Variants in SEC24B observed in about 807,000 individuals in gnomAD.
SEC24B encodes SEC24 homolog B, COPII component.
SEC24B carries 45 observed loss-of-function variants against 142.8 expected under a neutral mutation model. That is an observed-to-expected ratio of 0.32 (90% CI 0.25 to 0.40). The LOEUF (loss-of-function observed/expected upper bound fraction) is 0.40, where lower values mean the gene tolerates loss of function less well. SEC24B is among the 10% of genes least tolerant of loss of function. The probability of loss-of-function intolerance (pLI) is 1.00; values close to 1 mark genes in which losing one functional copy is unlikely to be tolerated. For synonymous variants in SEC24B, 574 were observed against 568.2 expected (o/e 1.01, Z -0.15); for missense variants, 1,409 against 1,526.8 (o/e 0.92, Z 1.29).
chr4:109,530,435 CCTCT>C lies in SEC24B; in HGVS notation c.3226_3229del (p.Leu1076MetfsTer29). On this transcript the variant is annotated frameshift_variant, in exon 19 of 24. Transcript: ENST00000265175. LOFTEE classifies it high-confidence loss of function. The stretch of plus-strand genomic sequence containing the variant: ...GGCGCCCAGCTCCCTCAAGTTGTTT[CCTCT>C]CTATGTTTTGGCCCTTCTCAAACAG... The C allele has an allele frequency of 6.2e-7, 1 of 1,613,978 alleles. No homozygotes were observed. The highest frequency in any genetic ancestry group is 8.5e-7 in the Non-Finnish European group (1 of 1,179,940).
At chr4:109,442,589 AATCTGACTTTG>A (rs952286309) in intron 1 of SEC24B, among the ~76,000 whole-genome samples, 2 of 152,272 alleles carry the variant, frequency 1.3e-5, no homozygotes, top group Non-Finnish European at 2.9e-5. Context: ...TGGAAACTGA[AATCTGACTTTG>A]ATCTGACTGA....
intron 1 of SEC24B, among the ~76,000 whole-genome samples, chr4:109,440,650 A>AG (rs1728853382): frequency 6.6e-6 from 1 of 152,218 alleles, no homozygotes; most frequent in Non-Finnish European, 1.5e-5. Flanking sequence ...ATAAGGTACT[A>AG]TTTTTAAAGT....
intron 3 of SEC24B, among the ~76,000 whole-genome samples, chr4:109,477,127 A>C: frequency 7.8e-6 from 1 of 128,868 alleles, no homozygotes; most frequent in Admixed American, 8.5e-5. Context: ...ACAGAGCGAG[A>C]CTCCGTCTCA....
chr4:109,486,021 A>G (rs1305498597), intron 4 of SEC24B, among the ~76,000 whole-genome samples: 1 of 152,222 alleles, frequency 6.6e-6, no homozygotes, highest in African/African-American at 2.4e-5. Flanking sequence ...TGGAAAATCT[A>G]TCAGGAGGTA....
At chr4:109,517,143 G>A (rs1294836234) in intron 11 of SEC24B, among the ~76,000 whole-genome samples, 1 of 152,114 alleles carries the variant, frequency 6.6e-6, no homozygotes, top group Non-Finnish European at 1.5e-5. Context: ...AATAAAATCA[G>A]TGTGTGGAAG....
intron 18 of SEC24B, 34 bp from the exon 19 acceptor site, chr4:109,530,255 G>A: frequency 6.3e-7 from 1 of 1,579,546 alleles, no homozygotes; most frequent in South Asian, 1.2e-5. Context: ...GGATTCTAAT[G>A]GTTAAAATAC....
chr4:109,525,150 T>TA (rs1724079639), intron 15 of SEC24B, among the ~76,000 whole-genome samples, 196 bp from the exon 16 acceptor site: 1 of 152,114 alleles, frequency 6.6e-6, no homozygotes, highest in East Asian at 1.9e-4. Context: ...ATGATTCCCT[T>TA]ACCATTCTGC....
chr4:109,527,780 CAA>C (rs34929126), intron 18 of SEC24B, among the ~76,000 whole-genome samples: 1 of 136,978 alleles, frequency 7.3e-6, no homozygotes. Flanking sequence ...GACTCTGTCT[CAA>C]AAAAAAAAAG....
In SEC24B at chr4:109,508,523, T is replaced by C. The variant is rs543524472; in HGVS notation, c.1674-1486T>C. 1.7e-3 allele frequency among the ~76,000 whole-genome samples: 254 copies of C among 152,090 alleles called. 8 individuals are homozygous for C. In the South Asian group the frequency reaches 0.052, roughly 31 times the overall value. ...TGGAAGTTGTGGCGATCCAAGATCA[T>C]AACACTGTACTCCAGCCTGGGTGAC... On this transcript the variant is annotated intron_variant, in intron 7 of 23. Transcript: ENST00000265175.
At chr4:109,462,586 G>A (rs896653226) in intron 1 of SEC24B, among the ~76,000 whole-genome samples, 1 of 152,128 alleles carries the variant, frequency 6.6e-6, no homozygotes, top group Non-Finnish European at 1.5e-5. Context: ...GGGTATCTGA[G>A]AGAAAGAGAG....
intron 1 of SEC24B, among the ~76,000 whole-genome samples, chr4:109,455,534 C>T (rs1438107309): frequency 1.3e-5 from 2 of 152,190 alleles, no homozygotes; most frequent in Non-Finnish European, 2.9e-5. Context: ...AGCCACCACA[C>T]CCGGCCTGTG....
chr4:109,453,356 T>TG, intron 1 of SEC24B, among the ~76,000 whole-genome samples: 1 of 146,198 alleles, frequency 6.8e-6, no homozygotes, highest in Admixed American at 7.2e-5. Flanking sequence ...CTAGCAAGCC[T>TG]GGGGGTGCTG....
Position 109,539,754 on chromosome 4 carries a change from G to T in SEC24B, c.*79G>T. 1 of 913,642 alleles carries T rather than the reference G, an allele frequency of 1.1e-6. No individual in the cohort carries two copies. The highest frequency in any genetic ancestry group is 1.7e-6 in the Non-Finnish European group (1 of 577,268). 56.6% of individuals were successfully genotyped at this position (913,642 alleles called of 1,614,324 possible). A position where few individuals can be genotyped will look rare whatever the true frequency, so the allele number is the denominator to read the frequency against. On this transcript the variant is annotated 3_prime_UTR_variant, in exon 24 of 24. Transcript: ENST00000265175. Reference sequence around the variant, plus strand: ...TGTCAGAGAAGCGCGTGAGAAATTTGAAATGAAGGCATTTGTTAATACAAG... The same window carrying T: ...TGTCAGAGAAGCGCGTGAGAAATTTTAAATGAAGGCATTTGTTAATACAAG...
chr4:109,446,971 C>T (rs528599649), intron 1 of SEC24B, among the ~76,000 whole-genome samples: 2 of 152,136 alleles, frequency 1.3e-5, no homozygotes, highest in Admixed American at 1.3e-4. Flanking sequence ...TACAATTAGA[C>T]AATTACAGTT....
chr4:109,457,967 T>G (rs547284919), intron 1 of SEC24B, among the ~76,000 whole-genome samples: 3 of 152,318 alleles, frequency 2.0e-5, no homozygotes, highest in African/African-American at 7.2e-5. Flanking sequence ...TTGGGGGGAT[T>G]AGGATGTGTA....
chr4:109,458,416 G>T (rs140689837), intron 1 of SEC24B, among the ~76,000 whole-genome samples: 18 of 152,162 alleles, frequency 1.2e-4, no homozygotes, highest in African/African-American at 4.3e-4. Flanking sequence ...TTATTGCTGG[G>T]CATCCTGACA....
chr4:109,448,676 G>A (rs575526753), intron 1 of SEC24B, among the ~76,000 whole-genome samples: 22 of 152,128 alleles, frequency 1.4e-4, no homozygotes, highest in Non-Finnish European at 3.1e-4. Context: ...CTCCTGACCT[G>A]CCCACCTCAG....
chr4:109,515,042 A>G (rs762158943), intron 10 of SEC24B, among the ~76,000 whole-genome samples: 1 of 152,186 alleles, frequency 6.6e-6, no homozygotes, highest in Non-Finnish European at 1.5e-5. Context: ...AAAGCAAGAA[A>G]TAATCTTTTA....
intron 3 of SEC24B, among the ~76,000 whole-genome samples, chr4:109,476,187 A>G (rs184592291): frequency 2.6e-5 from 4 of 152,086 alleles, no homozygotes; most frequent in Non-Finnish European, 5.9e-5. Context: ...GGGTTTCACC[A>G]TGTTGACCAG....
Sources: gnomAD v4.1 joint callset for allele counts (sites outside exome capture counted in the v4.1 genomes callset) on GRCh38, gnomAD v4.1.1 for gene constraint, MANE v1.5 for transcripts, NCBI Gene and HGNC (gene_info 2026-07-23, HGNC 2026-07-21) for gene names.